Variants in UGT2A1 observed in about 807,000 individuals in gnomAD.
UGT2A1 encodes the protein UDP-glucuronosyltransferase 2A1.
UGT2A1 carries 61 observed loss-of-function variants against 45.4 expected under a neutral mutation model. The observed-to-expected ratio is 1.34, with a 90% CI of 1.09 to 1.66. UGT2A1 has a LOEUF of 1.66. Among genes scored for constraint, UGT2A1 ranks in the 40% most tolerant of loss-of-function variants. The pLI is 0.00. For synonymous variants in UGT2A1, 229 were observed against 196.2 expected, an observed-to-expected ratio of 1.17 and a Z score of -1.40; for missense variants, 649 against 574.3, an observed-to-expected ratio of 1.13 and a Z score of -1.33.
intron 2 of UGT2A1, among the ~76,000 whole-genome samples, chr4:69,636,657 G>T (rs1008589555): frequency 6.6e-6 from 1 of 151,992 alleles, no homozygotes. Flanking sequence ...TTTATTTTTT[G>T]TAGATTTTTT....
chr4:69,626,089 T>C (rs987548193), intron 3 of UGT2A1, among the ~76,000 whole-genome samples: 6 of 151,550 alleles, frequency 4.0e-5, no homozygotes, highest in Admixed American at 1.3e-4. Context: ...CAGTCATATA[T>C]TTATGCTTTG....
At chr4:69,652,189 C>T (rs1266556256) in intron 1 of UGT2A1, among the ~76,000 whole-genome samples, 1 of 150,778 alleles carries the variant, frequency 6.6e-6, no homozygotes, top group Non-Finnish European at 1.5e-5. Context: ...TACTGGTTAA[C>T]AACTGCATAC....
At chr4:69,621,243 T>C (rs1209821189) in intron 3 of UGT2A1, among the ~76,000 whole-genome samples, 4 of 151,970 alleles carry the variant, frequency 2.6e-5, no homozygotes, top group Admixed American at 1.3e-4. Context: ...ATTTGCAAAG[T>C]ATGCATCTGA....
intron 4 of UGT2A1, among the ~76,000 whole-genome samples, chr4:69,597,715 A>AAC (rs71671445): frequency 0.38 from 57,196 of 150,232 alleles, 10,920 homozygotes; most frequent in East Asian, 0.55. Context: ...TCATTAAAAT[A>AAC]ACACACACAC....
intron 3 of UGT2A1, among the ~76,000 whole-genome samples, chr4:69,625,026 TA>T (rs1720963322): frequency 2.6e-5 from 4 of 151,294 alleles, no homozygotes; most frequent in Admixed American, 2.6e-4. Flanking sequence ...CCTTTATTTT[TA>T]AAATTAAATT....
chr4:69,635,711 C>A lies in UGT2A1; in HGVS notation c.827G>T (p.Trp276Leu). 7.2e-6 allele frequency: 2 copies of A among 276,244 alleles called. No individual in the cohort carries two copies. The highest frequency in any genetic ancestry group is 1.5e-5 in the Non-Finnish European group (2 of 136,968). The allele number at this position is 276,244 out of a possible 1,614,324, so 17.1% of individuals were successfully genotyped here. The change falls in exon 3 of 7, where the codon TGG (tryptophan) becomes TTG (leucine). Residue 276 changes from tryptophan (W) to leucine (L), a missense_variant. Physicochemically the swap from Trp to Leu is moderately conservative, Grantham distance 61 (BLOSUM62 -2). Transcript: ENST00000286604. Reference sequence around the variant, plus strand: ...CTGACCTGCTGGCAGCCTGTAATCCCAACTACAATGGAGGCTGAGGCGGGA... The same window carrying A: ...CTGACCTGCTGGCAGCCTGTAATCCAAACTACAATGGAGGCTGAGGCGGGA... Reference protein sequence around the residue: ...RFSRLSLHCSWDYRLPAGRPT... With the variant: ...RFSRLSLHCSLDYRLPAGRPT...
At chr4:69,591,920 C>T (rs1718616019) in intron 6 of UGT2A1, among the ~76,000 whole-genome samples, 1 of 152,122 alleles carries the variant, frequency 6.6e-6, no homozygotes, top group South Asian at 2.1e-4. Context: ...TCCTAACCCA[C>T]CACTTAGCTC....
intron 4 of UGT2A1, chr4:69,596,366 T>A: frequency 2.5e-6 from 4 of 1,598,166 alleles, no homozygotes; most frequent in Non-Finnish European, 3.4e-6. Flanking sequence ...GAGCTCTGGA[T>A]AAATTCTTCC....
chr4:69,637,987 G>C (rs1308129574), intron 2 of UGT2A1, among the ~76,000 whole-genome samples: 3 of 148,654 alleles, frequency 2.0e-5, no homozygotes, highest in African/African-American at 7.5e-5. Flanking sequence ...AAGGCAAGAA[G>C]GAAGGCAGGC....
intron 6 of UGT2A1, 53 bp from the exon 7 acceptor site, chr4:69,589,704 T>C: frequency 6.4e-7 from 1 of 1,560,356 alleles, no homozygotes; most frequent in Non-Finnish European, 8.7e-7. Context: ...TTTATTTTCA[T>C]TGAAGATAAA....
In UGT2A1 at chr4:69,651,480, C is replaced by T. The variant is rs72637488; in HGVS notation, c.-55+1708G>A. Among the ~76,000 whole-genome samples the T allele has an allele frequency of 7.5e-3, 1,139 of 152,104 alleles. 5 individuals are homozygous for T. Among genetic ancestry groups the T allele is most frequent in the Non-Finnish European group, 0.013 (895 of 67,994 alleles). On this transcript the variant is annotated intron_variant, in intron 1 of 6. Coordinates refer to ENST00000286604, the MANE Select transcript of UGT2A1 (RefSeq NM_001252275.3). ...TCATGAATTCAGAGAAAAAAACTAA[C>T]GTATTTCAGAAGAAGCTAGCATACT... is the stretch of plus-strand genomic sequence containing the variant.
rs1008178951 is a variant in UGT2A1 at position 69,630,643 on chromosome 4, G to A, written c.847+5048C>T. ...ACCCCAGAGGAATGCAAGTTAAAAT[G>A]AGACATGTACTTTCAACAAACTGGT... On this transcript the variant is annotated intron_variant, in intron 3 of 6. Coordinates refer to ENST00000286604, the MANE Select transcript of UGT2A1 (RefSeq NM_001252275.3). 3.9e-5 allele frequency among the ~76,000 whole-genome samples: 6 copies of A among 152,212 alleles called. No homozygotes were observed. In the South Asian group the frequency reaches 1.2e-3, roughly 32 times the overall value.
rs1219642432 is a variant in UGT2A1, at chr4:69,627,596, A to AG, written c.847+8094dup. ...AAAGAGAGAAAGAAAAAAAGAAGAA[A>AG]GAAAAGAAAGAAAGAAAGAGAAGAA... On this transcript the variant is annotated intron_variant, in intron 3 of 6. Transcript: ENST00000286604. 9.0e-3 allele frequency among the ~76,000 whole-genome samples: 1,248 copies of AG among 138,892 alleles called. 9 individuals are homozygous for AG. Among genetic ancestry groups the AG allele is most frequent in the African/African-American group, 0.031 (1,165 of 37,764 alleles). The allele number at this position is 138,892 out of a possible 152,430, so 91.1% of individuals were successfully genotyped here.
At chr4:69,625,701 T>TA (rs1382363839) in intron 3 of UGT2A1, among the ~76,000 whole-genome samples, 1 of 151,598 alleles carries the variant, frequency 6.6e-6, no homozygotes, top group African/African-American at 2.4e-5. Flanking sequence ...CTATAGCACT[T>TA]ATGTAAATTT....
intron 3 of UGT2A1, 102 bp from the exon 4 acceptor site, chr4:69,599,496 A>T: frequency 3.3e-6 from 5 of 1,527,510 alleles, no homozygotes; most frequent in Non-Finnish European, 4.4e-6. Context: ...TTAAGAAAAA[A>T]CTGAATTAGG....
intron 4 of UGT2A1, among the ~76,000 whole-genome samples, chr4:69,598,720 T>A (rs1160580474): frequency 6.6e-6 from 1 of 152,072 alleles, no homozygotes; most frequent in Non-Finnish European, 1.5e-5. Flanking sequence ...GTTTTTTTTT[T>A]AACCAATTGT....
At chr4:69,636,962 A>G (rs1268528235) in intron 2 of UGT2A1, among the ~76,000 whole-genome samples, 3 of 152,110 alleles carry the variant, frequency 2.0e-5, no homozygotes, top group African/African-American at 4.8e-5. Flanking sequence ...TCACCTTGTT[A>G]CTTTTTGTAT....
At chr4:69,605,000 T>C (rs1001076772) in intron 3 of UGT2A1, among the ~76,000 whole-genome samples, 2 of 136,158 alleles carry the variant, frequency 1.5e-5, no homozygotes, top group African/African-American at 6.0e-5. Flanking sequence ...CTGTCAACGT[T>C]AGACAGATCA....
At chr4:69,639,420 G>A (rs375196511) in intron 2 of UGT2A1, 3 of 1,613,200 alleles carry the variant, frequency 1.9e-6, no homozygotes, top group Non-Finnish European at 1.7e-6. Flanking sequence ...AGGAGAATCG[G>A]GATTGGAGTT....
Sources: allele counts gnomAD v4.1 joint callset (sites outside exome capture counted in the v4.1 genomes callset), GRCh38; gene constraint gnomAD v4.1.1; transcripts MANE v1.5; gene names NCBI Gene and HGNC (gene_info 2026-07-23, HGNC 2026-07-21).